RNF144A: variants seen among roughly 807,000 people sequenced by gnomAD.
The protein encoded by RNF144A is E3 ubiquitin-protein ligase RNF144A.
Under a neutral mutation model 38.7 loss-of-function variants are expected in RNF144A, and 11 were observed. That is an observed-to-expected ratio of 0.28 (90% confidence interval 0.18 to 0.47). The LOEUF (loss-of-function observed/expected upper bound fraction) is 0.47, where lower values mean the gene tolerates loss of function less well. Among genes scored for constraint, RNF144A ranks in the 20% least tolerant of loss-of-function variants. The probability of loss-of-function intolerance (pLI) is 0.99; values close to 1 mark genes in which losing one functional copy is unlikely to be tolerated. For missense variants in RNF144A, 316 were observed against 377.2 expected, an observed-to-expected ratio of 0.84 and a Z score of 1.34; for synonymous variants, 149 against 143.9, an observed-to-expected ratio of 1.04 and a Z score of -0.25.
At chr2:7,008,029 C>T (rs1322064245) in intron 3 of RNF144A, among the ~76,000 whole-genome samples, 2 of 152,216 alleles carry the variant, frequency 1.3e-5, no homozygotes, top group Non-Finnish European at 2.9e-5. Flanking sequence ...TAGTGGAAAG[C>T]ACAGTCTCCA....
At chr2:7,072,604 C>G (rs968402467), downstream of RNF144A, among the ~76,000 whole-genome samples, 3 of 152,164 alleles carry the variant, frequency 2.0e-5, no homozygotes, top group South Asian at 2.1e-4. Context: ...GTTTTATTTT[C>G]TCACTTATCC....
At position 6,971,662 on chromosome 2, in the gene RNF144A, C is replaced by A. The variant is rs78433873; in HGVS notation, c.-11-25254C>A. ...GTATGGGGAGCGGCAGCACTGCTTA[C>A]CTGGGCCTTGGAATCCTGTCCTCTG... On this transcript the variant is annotated intron_variant, in intron 2 of 8. Coordinates refer to ENST00000320892, the MANE Select transcript of RNF144A (RefSeq NM_014746.6). 8.5e-5 allele frequency among the ~76,000 whole-genome samples: 13 copies of A among 152,218 alleles called. No individual in the cohort carries two copies. The East Asian group carries it at 1.7e-3, about 20-fold the overall frequency.
At chr2:7,049,492 G>A (rs932433626) in intron 6 of RNF144A, among the ~76,000 whole-genome samples, 1 of 152,162 alleles carries the variant, frequency 6.6e-6, no homozygotes, top group Non-Finnish European at 1.5e-5. Flanking sequence ...ACAAAATCCT[G>A]AAAAACGAGT....
Position 7,020,478 on chromosome 2 carries a change from C to A in RNF144A, c.307C>A (p.Leu103Met), listed in dbSNP as rs765441094. The part of the protein sequence containing the change: ...YKKLQFEREV[L>M]FDPCRTWCPA... The stretch of plus-strand genomic sequence containing the variant: ...ATTTTGTCTCACTGTACCAGAGGTG[C>A]TGTTTGATCCCTGTCGGACTTGGTG... The change falls in exon 6 of 9, where the codon CTG becomes ATG. Residue 103 changes from leucine to methionine, a missense_variant. By Grantham distance (15) the Leu-to-Met change is conservative. Transcript: ENST00000320892. The A allele has an allele frequency of 1.4e-5, 23 of 1,613,490 alleles. No individual in the cohort carries two copies. In the African/African-American group the frequency reaches 2.9e-4, roughly 21 times the overall value.
At chr2:7,046,744 G>A (rs915936635), downstream of RNF144A, among the ~76,000 whole-genome samples, 3 of 152,110 alleles carry the variant, frequency 2.0e-5, no homozygotes, top group East Asian at 3.8e-4. Flanking sequence ...GTGGTTGTGC[G>A]TACAGCCTGT....
intron 6 of RNF144A, among the ~76,000 whole-genome samples, chr2:7,023,106 C>T (rs187224576): frequency 1.3e-5 from 2 of 152,182 alleles, no homozygotes; most frequent in African/African-American, 2.4e-5. Flanking sequence ...AGATGAGACA[C>T]GTAACACATA....
chr2:7,014,997 G>A lies in RNF144A; in HGVS notation c.301+225G>A, dbSNP rs138040713. Among the ~76,000 whole-genome samples the A allele has an allele frequency of 7.6e-3, 1,159 of 152,278 alleles. 15 individuals are homozygous for A. The highest frequency in any genetic ancestry group is 0.026 in the African/African-American group (1,101 of 41,556). On this transcript the variant is annotated intron_variant, in intron 5 of 8. Transcript: ENST00000320892. Reference sequence around the variant, plus strand: ...TATTTGGTAGCAGGAAGAATTTATGGAACACAATTTGTTTATAAGGATTGA... The same window carrying A: ...TATTTGGTAGCAGGAAGAATTTATGAAACACAATTTGTTTATAAGGATTGA...
Position 7,042,942 on chromosome 2 carries a change from A to G in RNF144A, c.*3182A>G. The stretch of plus-strand genomic sequence containing the variant: ...GAGTACAATGACAGGATCTCGGCTC[A>G]CTGCAAGCTCTGCCTCCCGGGTTCA... On this transcript the variant is annotated 3_prime_UTR_variant, in exon 9 of 9. Coordinates refer to ENST00000320892, the MANE Select transcript of RNF144A (RefSeq NM_014746.6). 1 of 811,974 alleles carries G rather than the reference A, an allele frequency of 1.2e-6. No individual in the cohort carries two copies. Among genetic ancestry groups the G allele is most frequent in the Middle Eastern group, 6.4e-4 (1 of 1,558 alleles). The allele number at this position is 811,974 out of a possible 1,614,324, so 50.3% of individuals were successfully genotyped here. A position where few individuals can be genotyped will look rare whatever the true frequency, so the allele number is the denominator to read the frequency against.
chr2:6,969,642 G>T (rs1022488308), intron 2 of RNF144A, among the ~76,000 whole-genome samples: 6 of 152,224 alleles, frequency 3.9e-5, no homozygotes, highest in Non-Finnish European at 7.3e-5. Context: ...ATACTGCAGA[G>T]TATGAAACGT....
chr2:6,978,708 T>A (rs1473081644), intron 2 of RNF144A: 1 of 152,674 alleles, frequency 6.5e-6, no homozygotes, highest in African/African-American at 2.4e-5. Context: ...AGGAAACAAG[T>A]AGGCTGGTTC....
downstream of RNF144A, among the ~76,000 whole-genome samples, chr2:7,068,815 C>G (rs943652701): frequency 6.6e-6 from 1 of 152,182 alleles, no homozygotes; most frequent in African/African-American, 2.4e-5. Flanking sequence ...ATGGCCATTA[C>G]GAGTCTAGGA....
In RNF144A at chr2:6,982,411, TCACAC is replaced by T. The variant is rs527509165; in HGVS notation, c.-11-14502_-11-14498del. Among the ~76,000 whole-genome samples the T allele has an allele frequency of 1.4e-3, 220 of 152,302 alleles. 2 individuals carry two copies. Among genetic ancestry groups the T allele is most frequent in the African/African-American group, 5.2e-3 (215 of 41,552 alleles). On this transcript the variant is annotated intron_variant, in intron 2 of 8. Coordinates refer to ENST00000320892, the MANE Select transcript of RNF144A (RefSeq NM_014746.6). ...GGTTGTGGAAGAGGAATTGCCCTCTTCACACCAAGGAAGGAGGCATTGCCTGATTC... is the reference window on the plus strand; with the variant it reads ...GGTTGTGGAAGAGGAATTGCCCTCTTCAAGGAAGGAGGCATTGCCTGATTC...
chr2:6,996,682 A>C, intron 2 of RNF144A: 1 of 475,264 alleles, frequency 2.1e-6, no homozygotes, highest in Non-Finnish European at 3.8e-6. Context: ...TGAACCCATG[A>C]GGCGGAGGTT....
intron 2 of RNF144A, among the ~76,000 whole-genome samples, chr2:6,993,387 A>G (rs1237187889): frequency 6.6e-6 from 1 of 152,174 alleles, no homozygotes; most frequent in East Asian, 1.9e-4. Context: ...GCAGAAAGGA[A>G]GTCAGACAGA....
intron 1 of RNF144A, among the ~76,000 whole-genome samples, chr2:6,931,161 G>C (rs1665188022): frequency 6.6e-6 from 1 of 152,198 alleles, no homozygotes; most frequent in Admixed American, 6.5e-5. Flanking sequence ...AGCGGTCGTG[G>C]TCAGTGCTTG....
At position 7,015,344 on chromosome 2, in the gene RNF144A, C is replaced by T. The variant is rs535696316; in HGVS notation, c.301+572C>T. On this transcript the variant is annotated intron_variant, in intron 5 of 8. Transcript: ENST00000320892. ...AGCTAATTTGTCATTATCTAATAAA[C>T]GGATCCCCAGAGAGGCTAACTGACT... 9.2e-5 allele frequency among the ~76,000 whole-genome samples: 14 copies of T among 152,316 alleles called. No individual in the cohort carries two copies. The South Asian group carries it at 1.4e-3, about 16-fold the overall frequency.
At chr2:7,001,459 T>C (rs956638309) in intron 3 of RNF144A, among the ~76,000 whole-genome samples, 2 of 152,010 alleles carry the variant, frequency 1.3e-5, no homozygotes, top group African/African-American at 4.8e-5. Context: ...GGAGGACTGT[T>C]TGAGCTCAGG....
chr2:6,997,418 C>T (rs1323622294), intron 3 of RNF144A, among the ~76,000 whole-genome samples: 1 of 152,228 alleles, frequency 6.6e-6, no homozygotes, highest in Admixed American at 6.5e-5. Context: ...GAGGTTATGG[C>T]AGTGCTAACC....
intron 2 of RNF144A, among the ~76,000 whole-genome samples, chr2:6,951,244 A>G (rs1291829343): frequency 6.7e-6 from 1 of 149,652 alleles, no homozygotes; most frequent in African/African-American, 2.5e-5. Flanking sequence ...TGAAATGCAC[A>G]CTCTGTTATG....
Sources: allele counts gnomAD v4.1 joint callset (sites outside exome capture counted in the v4.1 genomes callset), GRCh38; gene constraint gnomAD v4.1.1; transcripts MANE v1.5; gene names NCBI Gene and HGNC (gene_info 2026-07-23, HGNC 2026-07-21).